CDH2: variants seen among roughly 807,000 people sequenced by gnomAD.
The protein encoded by CDH2 is cadherin-2.
Under a neutral mutation model 92.0 loss-of-function variants are expected in CDH2, and 17 were observed. The observed-to-expected ratio is 0.18, with a 90% CI of 0.13 to 0.28. The LOEUF is 0.28. CDH2 is among the 10% of genes least tolerant of loss of function. The pLI is 1.00. For missense variants in CDH2, 862 were observed against 1,133.1 expected, an observed-to-expected ratio of 0.76 and a Z score of 3.44; for synonymous variants, 419 against 415.9, an observed-to-expected ratio of 1.01 and a Z score of -0.09.
intron 1 of CDH2, among the ~76,000 whole-genome samples, chr18:28,167,516 G>T (rs960812035): frequency 1.3e-5 from 2 of 152,036 alleles, no homozygotes; most frequent in African/African-American, 4.8e-5. Context: ...GTACTGAGTG[G>T]AAGATGCCAG....
In CDH2 at chr18:28,009,724, C is replaced by T. The variant is rs753933914; in HGVS notation, c.695G>A (p.Arg232Gln). 2.0e-5 allele frequency: 33 copies of T among 1,613,206 alleles called. No individual in the cohort carries two copies. Among genetic ancestry groups the T allele is most frequent in the African/African-American group, 2.7e-5 (2 of 74,846 alleles). Reference sequence around the variant, plus strand: ...AGCTGGTTGGAATCTTACATGAAACCGGGCTATCTGCTCGCGATCCAGGGG... The same window carrying T: ...AGCTGGTTGGAATCTTACATGAAACTGGGCTATCTGCTCGCGATCCAGGGG... ...TKPLDREQIA[R>Q]FHLRAHAVDI... Residue 232 changes from arginine to glutamine, a missense_variant, in exon 5 of 16, where the codon CGG (arginine) becomes CAG (glutamine). Physicochemically the swap from Arg to Gln is conservative, Grantham distance 43. Transcript: ENST00000269141.
chr18:27,939,081 A>C (rs1233464776), intron 6 of CDH2, among the ~76,000 whole-genome samples: 3 of 151,838 alleles, frequency 2.0e-5, no homozygotes, highest in African/African-American at 7.2e-5. Context: ...GTTTTTGGGA[A>C]TGCATTCTGC....
At position 28,035,642 on chromosome 18, in the gene CDH2, A is replaced by G. The variant is rs150089410; in HGVS notation, c.173-21733T>C. Among the ~76,000 whole-genome samples, 391 of 152,274 alleles carry G rather than the reference A, an allele frequency of 2.6e-3. 1 individual carries two copies. Among genetic ancestry groups the G allele is most frequent in the African/African-American group, 8.8e-3 (368 of 41,596 alleles). Reference sequence around the variant, plus strand: ...AATGACATTTATTAGACAACTAAATACAGGTTAATTCCACTTATAATAAAT... The same window carrying G: ...AATGACATTTATTAGACAACTAAATGCAGGTTAATTCCACTTATAATAAAT... On this transcript the variant is annotated intron_variant, in intron 2 of 15. Coordinates refer to ENST00000269141, the MANE Select transcript of CDH2 (RefSeq NM_001792.5).
chr18:28,118,598 T>C (rs2015535016), intron 2 of CDH2, among the ~76,000 whole-genome samples: 1 of 151,938 alleles, frequency 6.6e-6, no homozygotes, highest in South Asian at 2.1e-4. Flanking sequence ...TCAGTGTGTG[T>C]GTGTGTGTGT....
intron 2 of CDH2, among the ~76,000 whole-genome samples, chr18:28,047,445 T>C (rs1165208013): frequency 6.6e-6 from 1 of 152,160 alleles, no homozygotes; most frequent in East Asian, 1.9e-4. Flanking sequence ...GGAAGCAACC[T>C]GCCCTATAAA....
intron 2 of CDH2, among the ~76,000 whole-genome samples, chr18:28,086,421 TAA>T (rs2014928812): frequency 1.3e-5 from 2 of 152,174 alleles, no homozygotes; most frequent in Non-Finnish European, 2.9e-5. Flanking sequence ...TGTTTTTAAG[TAA>T]AAGGTCCATT....
intron 1 of CDH2, among the ~76,000 whole-genome samples, chr18:28,160,766 G>A (rs1481506518): frequency 6.6e-6 from 1 of 152,196 alleles, no homozygotes; most frequent in African/African-American, 2.4e-5. Flanking sequence ...AAGTCTCAAA[G>A]GGAAAGCAGG....
At chr18:27,955,420 A>G (rs1909665050) in intron 15 of CDH2, among the ~76,000 whole-genome samples, 2 of 151,498 alleles carry the variant, frequency 1.3e-5, no homozygotes, top group Admixed American at 6.6e-5. Flanking sequence ...CAAGTTAAAA[A>G]AAAAAAAAAA....
chr18:28,164,867 C>T (rs1165690632), intron 1 of CDH2, among the ~76,000 whole-genome samples: 1 of 152,146 alleles, frequency 6.6e-6, no homozygotes, highest in East Asian at 1.9e-4. Flanking sequence ...ATTATAAAGA[C>T]AGTGGAATTA....
Position 27,988,546 on chromosome 18 carries a change from A to T in CDH2, c.1719T>A (p.Ala573=), listed in dbSNP as rs909696078. The T allele has an allele frequency of 1.2e-6, 2 of 1,613,054 alleles. No homozygotes were observed. Residue 573 remains alanine, a synonymous_variant, in exon 11 of 16, where the codon GCT becomes GCA. Coordinates refer to ENST00000269141, the MANE Select transcript of CDH2 (RefSeq NM_001792.5). The stretch of plus-strand genomic sequence containing the variant: ...TACCATTGTCAGAAGCAAGGAAAGT[A>T]GCATTATATATATTGTTTTTCACAT... ...SPNVKNNIYN[A]TFLASDNGIP... is the part of the protein sequence containing the mutation.
chr18:28,177,075 C>A lies in CDH2; in HGVS notation c.-53G>T. On this transcript the variant is annotated 5_prime_UTR_variant, in exon 1 of 16. Transcript: ENST00000269141. ...CCGGAGGAGGCGGCGGCGGCGGCGGCGGCGGCGGAGGAGGAGGAGGCAGCG... is the reference window on the plus strand; with the variant it reads ...CCGGAGGAGGCGGCGGCGGCGGCGGAGGCGGCGGAGGAGGAGGAGGCAGCG... 2 of 1,368,194 alleles carry A rather than the reference C, an allele frequency of 1.5e-6. No homozygotes were observed. Among genetic ancestry groups the A allele is most frequent in the Non-Finnish European group, 2.0e-6 (2 of 1,018,018 alleles). The allele number at this position is 1,368,194 out of a possible 1,614,324, so 84.8% of individuals were successfully genotyped here.
chr18:28,083,878 T>G (rs563138058), intron 2 of CDH2, among the ~76,000 whole-genome samples: 8 of 152,282 alleles, frequency 5.3e-5, no homozygotes, highest in Admixed American at 4.6e-4. Context: ...TGTGAGCAAC[T>G]CCTCACATTC....
At chr18:28,095,747 T>C (rs1599097224) in intron 2 of CDH2, among the ~76,000 whole-genome samples, 3 of 140,852 alleles carry the variant, frequency 2.1e-5, no homozygotes, top group South Asian at 2.2e-4. Flanking sequence ...TAGGTGGAGA[T>C]TGCAGTGAGC....
chr18:27,972,967 C>T (rs749266635), intron 14 of CDH2, among the ~76,000 whole-genome samples: 6 of 152,056 alleles, frequency 3.9e-5, no homozygotes, highest in Non-Finnish European at 7.3e-5. Context: ...AAATGGACTA[C>T]GTTAAAAAAG....
At chr18:28,036,571 T>A (rs757418081) in intron 2 of CDH2, 1 of 1,554,760 alleles carries the variant, frequency 6.4e-7, no homozygotes, top group Admixed American at 1.7e-5. Flanking sequence ...CCATTTCCCA[T>A]AATTCCTTCT....
At chr18:28,154,097 C>T (rs147833205) in intron 1 of CDH2, among the ~76,000 whole-genome samples, 1,581 of 152,286 alleles carry the variant, frequency 0.01, 18 homozygotes, top group Non-Finnish European at 0.015. Flanking sequence ...GTTCTCAAAA[C>T]GGCACAGCTA....
intron 2 of CDH2, among the ~76,000 whole-genome samples, chr18:28,077,076 G>A (rs977015625): frequency 6.6e-6 from 1 of 152,026 alleles, no homozygotes; most frequent in East Asian, 1.9e-4. Flanking sequence ...GGAAAAGTGG[G>A]TACTAAACAA....
intron 2 of CDH2, among the ~76,000 whole-genome samples, chr18:28,081,822 T>G (rs1355140625): frequency 6.6e-6 from 1 of 152,202 alleles, no homozygotes; most frequent in Non-Finnish European, 1.5e-5. Context: ...TAAGTTAGCA[T>G]TAAGGTAATA....
At chr18:28,090,933 A>G (rs1157671282) in intron 2 of CDH2, among the ~76,000 whole-genome samples, 1 of 152,196 alleles carries the variant, frequency 6.6e-6, no homozygotes, top group East Asian at 1.9e-4. Context: ...AAATTTCTAT[A>G]TCCAATAGTG....
Sources: allele counts gnomAD v4.1 joint callset (sites outside exome capture counted in the v4.1 genomes callset), GRCh38; gene constraint gnomAD v4.1.1; transcripts MANE v1.5; gene names NCBI Gene and HGNC (gene_info 2026-07-23, HGNC 2026-07-21).